Variants in DLGAP2 observed in about 807,000 individuals in gnomAD.
DLGAP2 encodes the protein DLG associated protein 2.
In DLGAP2, 26 loss-of-function variants were observed where a neutral mutation model predicts 100.3. The ratio of observed to expected loss-of-function variants is 0.26; its 90% CI spans 0.19 to 0.36. The LOEUF is 0.36. DLGAP2 is among the 10% of genes least tolerant of loss of function. The pLI is 1.00. For missense variants in DLGAP2, 1,858 were observed against 1,453.2 expected, an observed-to-expected ratio of 1.28 and a Z score of -4.53; for synonymous variants, 886 against 630.1, an observed-to-expected ratio of 1.41 and a Z score of -6.08.
In DLGAP2 at chr8:1,433,794, G is replaced by C. The variant is rs575246107; in HGVS notation, c.107-67572G>C. Among the ~76,000 whole-genome samples the C allele has an allele frequency of 3.4e-5, 5 of 147,312 alleles. No homozygotes were observed. In the South Asian group the frequency reaches 8.7e-4, roughly 25 times the overall value. On this transcript the variant is annotated intron_variant, in intron 3 of 14. Transcript: ENST00000637795. Reference sequence around the variant, plus strand: ...CAGATATTGTGTTGACAGCTGAGCAGGTCATATTTGTAGGAATCCAAATTT... The same window carrying C: ...CAGATATTGTGTTGACAGCTGAGCACGTCATATTTGTAGGAATCCAAATTT...
chr8:1,148,992 G>C (rs1796652587), intron 2 of DLGAP2, among the ~76,000 whole-genome samples: 1 of 152,118 alleles, frequency 6.6e-6, no homozygotes, highest in Admixed American at 6.5e-5. Context: ...TAATTTATGT[G>C]CTTAATTGAT....
intron 3 of DLGAP2, among the ~76,000 whole-genome samples, chr8:1,499,176 C>A (rs1056688045): frequency 6.6e-6 from 1 of 152,212 alleles, no homozygotes; most frequent in Non-Finnish European, 1.5e-5. Flanking sequence ...CGCAGGCTTC[C>A]GATACCAAGC....
chr8:1,527,279 G>C (rs1800827288), intron 4 of DLGAP2, among the ~76,000 whole-genome samples: 1 of 152,222 alleles, frequency 6.6e-6, no homozygotes, highest in African/African-American at 2.4e-5. Flanking sequence ...CCCCATGCCT[G>C]AGTGACACCA....
chr8:1,381,066 A>G (rs1276627358), intron 3 of DLGAP2: 1 of 151,896 alleles, frequency 6.6e-6, no homozygotes, highest in Non-Finnish European at 1.5e-5. Flanking sequence ...TCAAAATTAG[A>G]CTTAAGAGGC....
chr8:930,117 C>A (rs1798921788), intron 2 of DLGAP2, among the ~76,000 whole-genome samples: 1 of 152,140 alleles, frequency 6.6e-6, no homozygotes, highest in Non-Finnish European at 1.5e-5. Flanking sequence ...AATTCTGACT[C>A]AGACCTGGCG....
intron 3 of DLGAP2, among the ~76,000 whole-genome samples, chr8:1,358,434 A>C (rs1801904434): frequency 6.6e-6 from 1 of 152,054 alleles, no homozygotes; most frequent in Non-Finnish European, 1.5e-5. Context: ...TTGGTTAAGG[A>C]GGTAGATTTT....
chr8:1,389,581 A>G (rs1039321371), intron 3 of DLGAP2, among the ~76,000 whole-genome samples: 2 of 152,084 alleles, frequency 1.3e-5, no homozygotes, highest in Non-Finnish European at 2.9e-5. Flanking sequence ...CAGTTCTTTG[A>G]TTTTTATCCC....
intron 1 of DLGAP2, among the ~76,000 whole-genome samples, chr8:868,710 C>T (rs1189945003): frequency 6.6e-6 from 1 of 152,154 alleles, no homozygotes; most frequent in African/African-American, 2.4e-5. Context: ...GTGTCTGAGG[C>T]GTCTGCAGCC....
intron 3 of DLGAP2, among the ~76,000 whole-genome samples, chr8:1,298,527 C>A (rs1260106794): frequency 6.6e-6 from 1 of 152,074 alleles, no homozygotes; most frequent in South Asian, 2.1e-4. Context: ...TGAGAGGCAG[C>A]GTACCCTGCA....
At chr8:1,614,077 T>C (rs926139006) in intron 6 of DLGAP2, among the ~76,000 whole-genome samples, 3 of 152,078 alleles carry the variant, frequency 2.0e-5, no homozygotes, top group African/African-American at 7.2e-5. Context: ...TGGGGGAGGC[T>C]GGTTCACTGC....
chr8:1,337,976 C>G (rs1219771640), intron 3 of DLGAP2, among the ~76,000 whole-genome samples: 2 of 152,206 alleles, frequency 1.3e-5, no homozygotes, highest in African/African-American at 2.4e-5. Context: ...CAAATCAAAA[C>G]CAAGATGAGA....
intron 1 of DLGAP2, among the ~76,000 whole-genome samples, chr8:743,228 T>C (rs1463795727): frequency 6.6e-6 from 1 of 152,216 alleles, no homozygotes; most frequent in Non-Finnish European, 1.5e-5. Flanking sequence ...AGGATGGATG[T>C]AATTCTCTGG....
At chr8:1,360,670 A>C (rs1256453943) in intron 3 of DLGAP2, among the ~76,000 whole-genome samples, 4 of 152,184 alleles carry the variant, frequency 2.6e-5, no homozygotes, top group Admixed American at 2.6e-4. Context: ...TGCAGCTCTC[A>C]GAGACCGAGA....
intron 2 of DLGAP2, among the ~76,000 whole-genome samples, chr8:1,186,574 T>G (rs1332309693): frequency 2.6e-5 from 4 of 152,126 alleles, no homozygotes; most frequent in Admixed American, 2.6e-4. Flanking sequence ...TTACGGCCAT[T>G]CCCTTTTTGT....
chr8:1,511,000 A>G (rs1418921791), intron 4 of DLGAP2, among the ~76,000 whole-genome samples: 1 of 152,254 alleles, frequency 6.6e-6, no homozygotes, highest in Non-Finnish European at 1.5e-5. Flanking sequence ...ATCTGTGAGA[A>G]TGTTCCATTT....
At chr8:941,025 G>A (rs1284778728) in intron 2 of DLGAP2, among the ~76,000 whole-genome samples, 1 of 152,216 alleles carries the variant, frequency 6.6e-6, no homozygotes, top group East Asian at 1.9e-4. Flanking sequence ...ATCACACATA[G>A]TTAGCCTTTG....
intron 2 of DLGAP2, among the ~76,000 whole-genome samples, chr8:1,117,036 G>T (rs990933364): frequency 2.0e-5 from 3 of 152,208 alleles, no homozygotes; most frequent in Non-Finnish European, 4.4e-5. Flanking sequence ...GATGAACCCT[G>T]TGCTTCTCTG....
intron 3 of DLGAP2, among the ~76,000 whole-genome samples, chr8:1,412,808 C>G (rs1024138864): frequency 3.9e-5 from 6 of 152,228 alleles, no homozygotes; most frequent in Non-Finnish European, 8.8e-5. Flanking sequence ...ATTCACAGCC[C>G]TCCCCAGCAG....
intron 2 of DLGAP2, among the ~76,000 whole-genome samples, chr8:1,189,809 G>C (rs900768844): frequency 6.6e-6 from 1 of 152,196 alleles, no homozygotes; most frequent in South Asian, 2.1e-4. Flanking sequence ...AGGGCTGCAG[G>C]AGGGGTCCCC....
Sources: gnomAD v4.1 joint callset for allele counts (sites outside exome capture counted in the v4.1 genomes callset) on GRCh38, gnomAD v4.1.1 for gene constraint, MANE v1.5 for transcripts, NCBI Gene and HGNC (gene_info 2026-07-23, HGNC 2026-07-21) for gene names.